The following MTHFD2L variants were observed in gnomAD, a reference collection of about 807,000 sequenced individuals.
MTHFD2L encodes methylenetetrahydrofolate dehydrogenase (NADP+ dependent) 2 like, also known as bifunctional methylenetetrahydrofolate dehydrogenase/cyclohydrolase 2, mitochondrial.
MTHFD2L carries 29 observed loss-of-function variants against 34.9 expected under a neutral mutation model. That is an observed-to-expected ratio of 0.83 (90% CI 0.62 to 1.13). MTHFD2L has a LOEUF of 1.13. Ranked by LOEUF, MTHFD2L falls within the 50% of genes most tolerant of loss-of-function variation. The pLI is 0.00. For synonymous variants in MTHFD2L, 167 were observed against 155.7 expected, an observed-to-expected ratio of 1.07 and a Z score of -0.54; for missense variants, 481 against 446.5, an observed-to-expected ratio of 1.08 and a Z score of -0.70.
chr4:74,188,550 A>G (rs1731766585), intron 3 of MTHFD2L, among the ~76,000 whole-genome samples: 1 of 152,108 alleles, frequency 6.6e-6, no homozygotes, highest in African/African-American at 2.4e-5. Context: ...TCAGTCCATA[A>G]CAAATGTTTA....
chr4:74,248,354 A>G (rs960991407), intron 6 of MTHFD2L, among the ~76,000 whole-genome samples: 2 of 152,104 alleles, frequency 1.3e-5, no homozygotes, highest in African/African-American at 4.8e-5. Flanking sequence ...TATTGCGTCT[A>G]TTTGATTCTT....
At chr4:74,190,105 CA>C (rs1335050522) in intron 3 of MTHFD2L, among the ~76,000 whole-genome samples, 1 of 151,906 alleles carries the variant, frequency 6.6e-6, no homozygotes, top group East Asian at 1.9e-4. Context: ...GCAAGATTCC[CA>C]AAAAAACATC....
chr4:74,280,618 G>A (rs1747318296), intron 6 of MTHFD2L, among the ~76,000 whole-genome samples: 1 of 142,252 alleles, frequency 7.0e-6, no homozygotes, highest in South Asian at 2.2e-4. Flanking sequence ...ATTTGTGATT[G>A]GATTGTTCAA....
intron 1 of MTHFD2L, chr4:74,161,110 TC>T: frequency 6.6e-6 from 1 of 152,368 alleles, no homozygotes; most frequent in East Asian, 1.9e-4. Context: ...TATGGAAGTT[TC>T]ACCTTTCTTT....
chr4:74,253,486 G>T (rs1348383053), intron 6 of MTHFD2L, among the ~76,000 whole-genome samples: 1 of 152,114 alleles, frequency 6.6e-6, no homozygotes, highest in Non-Finnish European at 1.5e-5. Context: ...GTATAGGAAG[G>T]ACATTTTTAC....
In MTHFD2L at chr4:74,291,003, C is replaced by CTTTTTTTTTT. The variant is rs10585551; in HGVS notation, c.931+9476_931+9485dup. 5.8e-3 allele frequency among the ~76,000 whole-genome samples: 171 copies of CTTTTTTTTTT among 29,278 alleles called. 48 individuals carry two copies. The highest frequency in any genetic ancestry group is 0.026 in the South Asian group (9 of 346). 19.2% of individuals were successfully genotyped at this position (29,278 alleles called of 152,430 possible). A position where few individuals can be genotyped will look rare whatever the true frequency, so the allele number is the denominator to read the frequency against. ...CTGTCTTACATTTATTTTTCCTTTT[C>CTTTTTTTTTT]TTTTTTTTTTTTTTTTTTTTTTTTT... On this transcript the variant is annotated intron_variant, in intron 7 of 7. Transcript: ENST00000325278.
intron 1 of MTHFD2L, among the ~76,000 whole-genome samples, chr4:74,170,920 T>C (rs1312569453): frequency 7.4e-6 from 1 of 134,486 alleles, no homozygotes; most frequent in Non-Finnish European, 1.5e-5. Flanking sequence ...TAGGTGGGAA[T>C]TGAACAATAA....
chr4:74,271,550 A>G (rs1317342980), intron 6 of MTHFD2L, among the ~76,000 whole-genome samples: 1 of 152,214 alleles, frequency 6.6e-6, no homozygotes, highest in Non-Finnish European at 1.5e-5. Flanking sequence ...TGGTACCAGT[A>G]CCATGCTGTT....
intron 5 of MTHFD2L, among the ~76,000 whole-genome samples, chr4:74,223,086 T>A (rs1738494259): frequency 6.6e-6 from 1 of 152,064 alleles, no homozygotes; most frequent in African/African-American, 2.4e-5. Flanking sequence ...TTACTGGGTA[T>A]ACACCCAAAG....
chr4:74,171,116 C>CT (rs1238330404), intron 1 of MTHFD2L, among the ~76,000 whole-genome samples: 1 of 151,772 alleles, frequency 6.6e-6, no homozygotes, highest in African/African-American at 2.4e-5. Flanking sequence ...TACCCTAAAA[C>CT]TTAAAGTATA....
At chr4:74,124,392 T>C (rs917687592), upstream of MTHFD2L, among the ~76,000 whole-genome samples, 5 of 151,826 alleles carry the variant, frequency 3.3e-5, no homozygotes, top group African/African-American at 1.2e-4. Context: ...AATAACATTA[T>C]AGCATCATGA....
At chr4:74,207,766 C>CTTTTTTTTTTTT (rs768932793) in intron 5 of MTHFD2L, among the ~76,000 whole-genome samples, 4,790 of 127,654 alleles carry the variant, frequency 0.038, 336 homozygotes, top group African/African-American at 0.061. Flanking sequence ...TGAAAAAGAA[C>CTTTTTTTTTTTT]TTTTTTTTTT....
intron 2 of MTHFD2L, among the ~76,000 whole-genome samples, chr4:74,115,008 G>A: frequency 6.6e-6 from 1 of 152,132 alleles, no homozygotes; most frequent in East Asian, 1.9e-4. Flanking sequence ...CTTTCACCTT[G>A]GCCAGGCAGC....
Position 74,165,961 on chromosome 4 carries a change from A to G in MTHFD2L, c.143+7680A>G, listed in dbSNP as rs577647843. On this transcript the variant is annotated intron_variant, in intron 1 of 7. Coordinates refer to ENST00000325278, the MANE Select transcript of MTHFD2L (RefSeq NM_001144978.3). ...TGTATGATTTTAAAAATAGTTTACC[A>G]TATTTAGATAGGGGAAAATTAAAGT... Among the ~76,000 whole-genome samples the G allele has an allele frequency of 5.3e-5, 8 of 151,834 alleles. No homozygotes were observed. In the South Asian group the frequency reaches 1.7e-3, roughly 32 times the overall value.
At chr4:74,159,761 A>G (rs1230143480) in intron 1 of MTHFD2L, among the ~76,000 whole-genome samples, 2 of 152,340 alleles carry the variant, frequency 1.3e-5, no homozygotes, top group East Asian at 1.9e-4. Context: ...TTGGAAAGCT[A>G]TTATCCCTAT....
chr4:74,174,803 T>C, intron 2 of MTHFD2L, 113 bp downstream of exon 2: 1 of 727,992 alleles, frequency 1.4e-6, no homozygotes, highest in South Asian at 3.9e-5. Flanking sequence ...ATTGCATGTA[T>C]TATTATTAAA....
intron 3 of MTHFD2L, chr4:74,183,468 A>T (rs1030110493): frequency 3.3e-5 from 5 of 152,222 alleles, no homozygotes; most frequent in Non-Finnish European, 7.3e-5. Flanking sequence ...CCTGGCCAAC[A>T]TCGGGAAACC....
intron 6 of MTHFD2L, among the ~76,000 whole-genome samples, chr4:74,277,821 G>A (rs1482275952): frequency 6.6e-6 from 1 of 151,792 alleles, no homozygotes; most frequent in Non-Finnish European, 1.5e-5. Flanking sequence ...TTGTTTGTTT[G>A]TTTGTTTGTT....
intron 1 of MTHFD2L, among the ~76,000 whole-genome samples, chr4:74,162,556 A>G (rs945581052): frequency 6.7e-6 from 1 of 150,004 alleles, no homozygotes; most frequent in Non-Finnish European, 1.5e-5. Flanking sequence ...ACTGCAATGA[A>G]TGCCATCATG....
Sources: allele counts gnomAD v4.1 joint callset (sites outside exome capture counted in the v4.1 genomes callset), GRCh38; gene constraint gnomAD v4.1.1; transcripts MANE v1.5; gene names NCBI Gene and HGNC (gene_info 2026-07-23, HGNC 2026-07-21).